PNLDC1: variants seen among roughly 807,000 people sequenced by gnomAD.
PNLDC1 encodes PARN like ribonuclease domain containing exonuclease 1.
In PNLDC1, 70 loss-of-function variants were observed where a neutral mutation model predicts 82.0. The ratio of observed to expected loss-of-function variants is 0.85; its 90% CI spans 0.70 to 1.04. PNLDC1 has a LOEUF of 1.04. PNLDC1 is among the 50% of genes least tolerant of loss of function. The probability of loss-of-function intolerance (pLI) is 0.00; values close to 1 mark genes in which losing one functional copy is unlikely to be tolerated. For synonymous variants in PNLDC1, 280 were observed against 249.3 expected, an observed-to-expected ratio of 1.12 and a Z score of -1.16; for missense variants, 631 against 661.1, an observed-to-expected ratio of 0.95 and a Z score of 0.50.
chr6:159,800,807 C>A lies in PNLDC1; in HGVS notation c.112C>A (p.Leu38Met). 1 of 1,614,196 alleles carries A rather than the reference C, an allele frequency of 6.2e-7. No homozygotes were observed. Among genetic ancestry groups the A allele is most frequent in the Non-Finnish European group, 8.5e-7 (1 of 1,180,042 alleles). ...DIEFTGLRSNLSGPQQISLFD... is the reference protein window; with the variant it reads ...DIEFTGLRSNMSGPQQISLFD... ...AGAGTTCACGGGCCTTCGTTCTAAC[C>A]TGTCTGGGCCCCAGCAGATCAGGTA... Residue 38 changes from leucine (L) to methionine (M), a missense_variant, in exon 2 of 19, where the codon CTG (leucine) becomes ATG (methionine). Physicochemically the swap from Leu to Met is conservative, Grantham distance 15 (BLOSUM62 2). Transcript: ENST00000392167.
At chr6:159,814,056 A>C (rs1583179626) in intron 12 of PNLDC1, among the ~76,000 whole-genome samples, 1 of 151,168 alleles carries the variant, frequency 6.6e-6, no homozygotes, top group Non-Finnish European at 1.5e-5. Flanking sequence ...GGGTGTCTCC[A>C]CCTCTTTCTG....
Position 159,800,811 on chromosome 6 carries a change from C to A in PNLDC1, c.116C>A (p.Ser39Tyr). ...IEFTGLRSNL[S>Y]GPQQISLFDL... is the part of the protein sequence containing the mutation. ...TTCACGGGCCTTCGTTCTAACCTGTCTGGGCCCCAGCAGATCAGGTAAAAC... is the reference window on the plus strand; with the variant it reads ...TTCACGGGCCTTCGTTCTAACCTGTATGGGCCCCAGCAGATCAGGTAAAAC... The change falls in exon 2 of 19, where the codon TCT becomes TAT. Residue 39 changes from serine (S) to tyrosine (Y), a missense_variant. Physicochemically the swap from Ser to Tyr is moderately radical, Grantham distance 144. Coordinates refer to ENST00000392167, the MANE Select transcript of PNLDC1 (RefSeq NM_001271862.2). 2.5e-6 allele frequency: 4 copies of A among 1,614,194 alleles called. No individual in the cohort carries two copies. Among genetic ancestry groups the A allele is most frequent in the African/African-American group, 2.7e-5 (2 of 75,054 alleles).
chr6:159,814,246 C>G (rs1043499773), intron 12 of PNLDC1, among the ~76,000 whole-genome samples: 1 of 152,150 alleles, frequency 6.6e-6, no homozygotes, highest in African/African-American at 2.4e-5. Flanking sequence ...GGACGAGGCA[C>G]GAGAGGCGTT....
At chr6:159,804,717 C>T in intron 6 of PNLDC1, 80 bp downstream of exon 6, 1 of 1,091,774 alleles carries the variant, frequency 9.2e-7, no homozygotes, top group South Asian at 1.4e-5. Flanking sequence ...GTGCCGTTTC[C>T]AGGAGTGTGG....
rs968199426 is a variant in PNLDC1, at chr6:159,820,588, G to A, written c.*71G>A. ...TGGGAGGTGTGCTGGGTGTGTTCGT[G>A]TAAATCAGATTCTGTTTGCAGATGG... On this transcript the variant is annotated 3_prime_UTR_variant, in exon 19 of 19. Transcript: ENST00000392167. The A allele has an allele frequency of 7.0e-7, 1 of 1,427,748 alleles. No homozygotes were observed. Among genetic ancestry groups the A allele is most frequent in the African/African-American group, 1.4e-5 (1 of 71,072 alleles). 88.4% of individuals were successfully genotyped at this position (1,427,748 alleles called of 1,614,324 possible). A position where few individuals can be genotyped will look rare whatever the true frequency, so the allele number is the denominator to read the frequency against.
chr6:159,800,640 C>T (rs1207303773), intron 1 of PNLDC1, 132 bp from the exon 2 acceptor site: 12 of 1,594,554 alleles, frequency 7.5e-6, no homozygotes, highest in Non-Finnish European at 9.4e-6. Flanking sequence ...CTCCATTTTC[C>T]CTTCCTGACC....
chr6:159,813,919 A>G (rs1348923413), intron 12 of PNLDC1, among the ~76,000 whole-genome samples: 1 of 151,708 alleles, frequency 6.6e-6, no homozygotes, highest in Non-Finnish European at 1.5e-5. Flanking sequence ...CCCCTTTTTC[A>G]TTGTCTCGCC....
intron 2 of PNLDC1, 117 bp from the exon 3 acceptor site, chr6:159,800,996 A>G: frequency 6.9e-7 from 1 of 1,443,582 alleles, no homozygotes; most frequent in Non-Finnish European, 9.7e-7. Context: ...AGTGCTCCCT[A>G]GTTGTTGTAA....
chr6:159,811,651 T>G (rs770310207), intron 10 of PNLDC1, 50 bp from the exon 11 acceptor site: 5 of 1,469,406 alleles, frequency 3.4e-6, no homozygotes, highest in Non-Finnish European at 4.8e-6. Flanking sequence ...TCCTTCCCAT[T>G]TTTGCCAACA....
rs1182318924 is a variant in PNLDC1 at position 159,800,910 on chromosome 6, G to T, written c.134+81G>T. 5.6e-6 allele frequency: 9 copies of T among 1,598,420 alleles called. No homozygotes were observed. In the Admixed American group the frequency reaches 1.2e-4, roughly 21 times the overall value. Reference sequence around the variant, plus strand: ...TCTGGCCAGCAGCCTGTTGGCATTTGGGGGGCAGGACGTTTTGTGTGGCTT... The same window carrying T: ...TCTGGCCAGCAGCCTGTTGGCATTTTGGGGGCAGGACGTTTTGTGTGGCTT... On this transcript the variant is annotated intron_variant, in intron 2 of 18. Coordinates refer to ENST00000392167, the MANE Select transcript of PNLDC1 (RefSeq NM_001271862.2).
At chr6:159,816,466 TGTGGATG>T in intron 13 of PNLDC1, 70 bp from the exon 14 acceptor site, 1 of 1,345,306 alleles carries the variant, frequency 7.4e-7, no homozygotes, top group South Asian at 1.2e-5. Flanking sequence ...CTGCAGCCAC[TGTGGATG>T]GTGAGCTAGG....
At chr6:159,801,326 A>G (rs1049890989) in intron 3 of PNLDC1, 140 bp downstream of exon 3, 1 of 819,568 alleles carries the variant, frequency 1.2e-6, no homozygotes, top group African/African-American at 1.7e-5. Flanking sequence ...GGGCCATTGT[A>G]TACATATGGA....
At position 159,806,025 on chromosome 6, in the gene PNLDC1, G is replaced by A; in HGVS notation, c.504G>A (p.Val168=). 1 of 1,614,206 alleles carries A rather than the reference G, an allele frequency of 6.2e-7. No homozygotes were observed. ...KDQIKVVIDE[V]TRWLELAKEG... ...AAATCAAGGTGGTGATTGACGAAGT[G>A]ACGCGGTGGCTGGAGCTGGCCAAGG... Residue 168 remains valine (V), a synonymous_variant, in exon 7 of 19, where the codon GTG becomes GTA. Transcript: ENST00000392167.
At chr6:159,805,867 T>G (rs1781428457) in intron 6 of PNLDC1, 116 bp from the exon 7 acceptor site, 2 of 741,488 alleles carry the variant, frequency 2.7e-6, no homozygotes, top group Non-Finnish European at 4.8e-6. Context: ...GTACATTTTC[T>G]TTGTATATTG....
At chr6:159,800,734 C>G (rs903911456) in intron 1 of PNLDC1, 38 bp from the exon 2 acceptor site, 12 of 1,614,206 alleles carry the variant, frequency 7.4e-6, no homozygotes, top group African/African-American at 1.3e-5. Flanking sequence ...TGGCGATGTT[C>G]TGCACCCGAG....
At position 159,820,442 on chromosome 6, in the gene PNLDC1, A is replaced by C. The variant is rs757031911; in HGVS notation, c.1533-12A>C. 5.0e-6 allele frequency: 8 copies of C among 1,613,932 alleles called. No homozygotes were observed. In the Admixed American group the frequency reaches 1.3e-4, roughly 27 times the overall value. ...GGTGCCCCGGCCACTGACACGTGTCATTGTCTTGCAGAGTCTGTGGCATAG... is the reference window on the plus strand; with the variant it reads ...GGTGCCCCGGCCACTGACACGTGTCCTTGTCTTGCAGAGTCTGTGGCATAG... On this transcript the variant is annotated splice_polypyrimidine_tract_variant and intron_variant, in intron 18 of 18. Coordinates refer to ENST00000392167, the MANE Select transcript of PNLDC1 (RefSeq NM_001271862.2).
Position 159,803,760 on chromosome 6 carries a change from G to A in PNLDC1, c.249-205G>A, listed in dbSNP as rs530938547. ...CAGCTTGTGGAGGGGCTGTCTCTGT[G>A]GTATACGCTGGCCCTGAAGGCAGGC... On this transcript the variant is annotated intron_variant, in intron 4 of 18. Coordinates refer to ENST00000392167, the MANE Select transcript of PNLDC1 (RefSeq NM_001271862.2). Among the ~76,000 whole-genome samples, 432 of 152,162 alleles carry A rather than the reference G, an allele frequency of 2.8e-3. 3 individuals are homozygous for A. The highest frequency in any genetic ancestry group is 9.9e-3 in the African/African-American group (412 of 41,516).
Position 159,800,391 on chromosome 6 carries a change from G to A in PNLDC1, c.76+8G>A. On this transcript the variant is annotated splice_region_variant and intron_variant, in intron 1 of 18. Transcript: ENST00000392167. ...AGGAGGCCGACTTCGTGGGTGAAGAGCCTGGGATTCGCGGCTGTGCCGGAC... is the reference window on the plus strand; with the variant it reads ...AGGAGGCCGACTTCGTGGGTGAAGAACCTGGGATTCGCGGCTGTGCCGGAC... 1 of 1,547,618 alleles carries A rather than the reference G, an allele frequency of 6.5e-7. No homozygotes were observed. The highest frequency in any genetic ancestry group is 8.7e-7 in the Non-Finnish European group (1 of 1,146,094).
chr6:159,806,547 A>G (rs778678208), intron 7 of PNLDC1, among the ~76,000 whole-genome samples: 2 of 152,060 alleles, frequency 1.3e-5, no homozygotes, highest in Non-Finnish European at 2.9e-5. Context: ...TGTACTTGCT[A>G]TTGTCATTGT....
Sources: gnomAD v4.1 joint callset for allele counts (sites outside exome capture counted in the v4.1 genomes callset) on GRCh38, gnomAD v4.1.1 for gene constraint, MANE v1.5 for transcripts, NCBI Gene and HGNC (gene_info 2026-07-23, HGNC 2026-07-21) for gene names.